The following WNK1 variants were observed in gnomAD, a reference collection of about 807,000 sequenced individuals.
The protein encoded by WNK1 is WNK lysine deficient protein kinase 1, also known as serine/threonine-protein kinase WNK1.
Under a neutral mutation model 222.8 loss-of-function variants are expected in WNK1, and 38 were observed. The observed-to-expected ratio is 0.17, with a 90% confidence interval of 0.13 to 0.22. The LOEUF is 0.22. Among genes scored for constraint, WNK1 ranks in the 10% least tolerant of loss-of-function variants. WNK1 has a pLI of 1.00. For synonymous variants in WNK1, 1,090 were observed against 1,092.9 expected (o/e 1.00, Z 0.05); for missense variants, 2,348 against 2,918.4 (o/e 0.80, Z 4.50).
At chr12:866,645 C>T (rs2154070454) in intron 8 of WNK1, among the ~76,000 whole-genome samples, 1 of 152,236 alleles carries the variant, frequency 6.6e-6, no homozygotes, top group East Asian at 1.9e-4. Context: ...CAGGCGTGAG[C>T]CACCGCGCCC....
chr12:764,385 C>T (rs1485258412), intron 1 of WNK1, among the ~76,000 whole-genome samples: 1 of 146,652 alleles, frequency 6.8e-6, no homozygotes, highest in East Asian at 2.0e-4. Flanking sequence ...CCTGTAATCC[C>T]AGCACTTTGG....
chr12:785,820 A>G (rs972898786), intron 1 of WNK1, among the ~76,000 whole-genome samples: 32 of 152,056 alleles, frequency 2.1e-4, no homozygotes, highest in African/African-American at 7.7e-4. Context: ...ACTTTTTTCA[A>G]GTAATCCCAT....
chr12:807,293 GTTT>G (rs71051387), intron 1 of WNK1, among the ~76,000 whole-genome samples: 1 of 128,836 alleles, frequency 7.8e-6, no homozygotes, highest in Admixed American at 7.6e-5. Context: ...CCCTGTCTCT[GTTT>G]TTTTTTTTTT....
intron 4 of WNK1, among the ~76,000 whole-genome samples, chr12:830,479 T>G (rs1233268984): frequency 6.6e-6 from 1 of 152,228 alleles, no homozygotes; most frequent in Admixed American, 6.5e-5. Context: ...TCCCACCACA[T>G]AGGTCAGAGT....
At chr12:764,634 C>CAAAAAAA (rs529312629) in intron 1 of WNK1, among the ~76,000 whole-genome samples, 46 of 50,128 alleles carry the variant, frequency 9.2e-4, no homozygotes, top group South Asian at 1.9e-3. Context: ...AACTCCGTCT[C>CAAAAAAA]AAAAAAAAAA....
intron 25 of WNK1, among the ~76,000 whole-genome samples, chr12:899,159 C>G (rs1298107764): frequency 6.6e-6 from 1 of 152,176 alleles, no homozygotes; most frequent in Non-Finnish European, 1.5e-5. Context: ...AAAGCAGTTG[C>G]AAACTTCTTA....
rs993854723 is a variant in WNK1 at position 856,012 on chromosome 12, G to T, written c.1312-1149G>T. 4.0e-5 allele frequency among the ~76,000 whole-genome samples: 6 copies of T among 151,492 alleles called. No homozygotes were observed. The East Asian group carries it at 1.2e-3, about 30-fold the overall frequency. On this transcript the variant is annotated intron_variant, in intron 4 of 27. Coordinates refer to ENST00000315939, the MANE Select transcript of WNK1 (RefSeq NM_018979.4). The stretch of plus-strand genomic sequence containing the variant: ...GCGCCACCACGCCCATCTAATTTTT[G>T]TATTTTTAGTAGAGACGGGGTTTCA...
At chr12:809,226 A>G (rs1416039532) in intron 1 of WNK1, among the ~76,000 whole-genome samples, 60 of 93,678 alleles carry the variant, frequency 6.4e-4, no homozygotes, top group South Asian at 2.7e-3. Flanking sequence ...TCTTTTGAGG[A>G]AAAAAAAAAA....
chr12:792,308 C>CTTTTTTTT (rs35838951), intron 1 of WNK1, among the ~76,000 whole-genome samples: 27 of 89,076 alleles, frequency 3.0e-4, no homozygotes, highest in Non-Finnish European at 4.2e-4. Context: ...TACTGTTATT[C>CTTTTTTTT]TTTTTTTTTT....
intron 8 of WNK1, among the ~76,000 whole-genome samples, chr12:869,383 C>T (rs1419673806): frequency 6.6e-6 from 1 of 152,132 alleles, no homozygotes; most frequent in Non-Finnish European, 1.5e-5. Context: ...GACTTCTATG[C>T]ACGTTATTTT....
At chr12:772,146 A>G (rs1158660164) in intron 1 of WNK1, among the ~76,000 whole-genome samples, 1 of 152,214 alleles carries the variant, frequency 6.6e-6, no homozygotes, top group Non-Finnish European at 1.5e-5. Context: ...TCTCGTTATA[A>G]AAATTAGGAA....
rs1944701948 is a variant in WNK1 at position 790,203 on chromosome 12, A to G, written c.760-23439A>G. On this transcript the variant is annotated intron_variant, in intron 1 of 27. Transcript: ENST00000315939. ...TCTTGAGGGTTGGGGCTATAGTAGA[A>G]TAGAAGGAAATGACTTTTTGGAGAA... Among the ~76,000 whole-genome samples the G allele has an allele frequency of 2.6e-5, 4 of 152,226 alleles. No homozygotes were observed. The South Asian group carries it at 8.3e-4, about 32-fold the overall frequency.
At chr12:773,910 A>G (rs943807281) in intron 1 of WNK1, among the ~76,000 whole-genome samples, 1 of 152,194 alleles carries the variant, frequency 6.6e-6, no homozygotes, top group African/African-American at 2.4e-5. Flanking sequence ...TATTGTAAAT[A>G]TAGTGGGCGA....
At chr12:867,831 T>C in intron 8 of WNK1, 3 of 1,610,922 alleles carry the variant, frequency 1.9e-6, no homozygotes, top group Non-Finnish European at 2.5e-6. Flanking sequence ...CACATATGAA[T>C]GTATGAATTA....
chr12:871,375 A>G, intron 9 of WNK1, 27 bp downstream of exon 9: 1 of 1,606,514 alleles, frequency 6.2e-7, no homozygotes, highest in Non-Finnish European at 8.5e-7. Context: ...GCAACATTTT[A>G]TGAATTAGCA....
At position 808,646 on chromosome 12, in the gene WNK1, T is replaced by A. The variant is rs945522834; in HGVS notation, c.760-4996T>A. ...TCCAAAGAGAGGTGGAGAGAACCTC[T>A]TAGACTCCAACTTTTACATACTCTT... On this transcript the variant is annotated intron_variant, in intron 1 of 27. Transcript: ENST00000315939. Among the ~76,000 whole-genome samples the A allele has an allele frequency of 3.9e-5, 6 of 152,166 alleles. No homozygotes were observed. In the South Asian group the frequency reaches 1.2e-3, roughly 32 times the overall value.
rs774207735 is a variant in WNK1 at position 813,698 on chromosome 12, A to G, written c.816A>G (p.Leu272=). The change falls in exon 2 of 28, where the codon TTA becomes TTG. Residue 272 remains leucine, a synonymous_variant. Coordinates refer to ENST00000315939, the MANE Select transcript of WNK1 (RefSeq NM_018979.4). ...RQRFKEEAEM[L]KGLQHPNIVR... ...GATTTAAAGAAGAAGCTGAAATGTT[A>G]AAAGGTCTTCAGCATCCCAATATTG... The G allele has an allele frequency of 5.0e-6, 8 of 1,613,954 alleles. No homozygotes were observed. The highest frequency in any genetic ancestry group is 1.7e-5 in the Admixed American group (1 of 60,028).
At chr12:797,173 AATT>A (rs1945392211) in intron 1 of WNK1, among the ~76,000 whole-genome samples, 1 of 152,162 alleles carries the variant, frequency 6.6e-6, no homozygotes. Flanking sequence ...TCCTCTCAGA[AATT>A]AATCTCTTTT....
Position 844,254 on chromosome 12 carries a change from C to T in WNK1, c.1312-12907C>T, listed in dbSNP as rs368046988. The stretch of plus-strand genomic sequence containing the variant: ...TCAAGTGATTCTCCCGCTTCAACCT[C>T]CCAAGTAACTGGGAGGGACAATAGG... On this transcript the variant is annotated intron_variant, in intron 4 of 27. Transcript: ENST00000315939. Among the ~76,000 whole-genome samples, 10 of 152,150 alleles carry T rather than the reference C, an allele frequency of 6.6e-5. No homozygotes were observed. The East Asian group carries it at 1.6e-3, about 24-fold the overall frequency.
Sources: gnomAD v4.1 joint callset for allele counts (sites outside exome capture counted in the v4.1 genomes callset) on GRCh38, gnomAD v4.1.1 for gene constraint, MANE v1.5 for transcripts, NCBI Gene and HGNC (gene_info 2026-07-23, HGNC 2026-07-21) for gene names.